Variants in BMP6 observed in about 807,000 individuals in gnomAD.
BMP6 encodes VG-1-R.
BMP6 carries 17 observed loss-of-function variants against 54.1 expected under a neutral mutation model. The observed-to-expected ratio is 0.31, with a 90% CI of 0.22 to 0.47. BMP6 has a LOEUF of 0.47. Ranked by LOEUF, BMP6 falls within the 20% of genes least tolerant of loss-of-function variation. BMP6 has a pLI of 1.00. For synonymous variants in BMP6, 328 were observed against 291.2 expected, an observed-to-expected ratio of 1.13 and a Z score of -1.28; for missense variants, 720 against 690.4, an observed-to-expected ratio of 1.04 and a Z score of -0.48.
intron 1 of BMP6, among the ~76,000 whole-genome samples, chr6:7,825,995 T>TC (rs1758691348): frequency 6.6e-6 from 1 of 152,204 alleles, no homozygotes; most frequent in South Asian, 2.1e-4. Flanking sequence ...TTCCTTTTCC[T>TC]ACCTTGGCCC....
chr6:7,863,340 T>A (rs1014420718), intron 4 of BMP6, among the ~76,000 whole-genome samples: 1 of 152,212 alleles, frequency 6.6e-6, no homozygotes, highest in South Asian at 2.1e-4. Context: ...TGGGCTCAGA[T>A]GATAATCAGG....
Position 7,861,619 on chromosome 6 carries a change from C to G in BMP6, c.1006+20C>G. The G allele has an allele frequency of 6.2e-7, 1 of 1,612,904 alleles. No individual in the cohort carries two copies. Among genetic ancestry groups the G allele is most frequent in the Non-Finnish European group, 8.5e-7 (1 of 1,179,102 alleles). On this transcript the variant is annotated intron_variant, in intron 3 of 6. Coordinates refer to ENST00000283147, the MANE Select transcript of BMP6 (RefSeq NM_001718.6). ...GGGATGGTAAGTTATTATCCGCAAGCCTCCAACGTCCAGCAAGTCATCAGT... is the reference window on the plus strand; with the variant it reads ...GGGATGGTAAGTTATTATCCGCAAGGCTCCAACGTCCAGCAAGTCATCAGT...
chr6:7,730,490 G>T lies in BMP6; in HGVS notation c.664+2871G>T, dbSNP rs911249970. 8.1e-4 allele frequency among the ~76,000 whole-genome samples: 123 copies of T among 152,144 alleles called. 1 individual carries two copies. Among genetic ancestry groups the T allele is most frequent in the South Asian group, 2.1e-4 (1 of 4,822 alleles). ...TATAGCTACTGTAGGTCCACTTCTG[G>T]ACTCTATACTGATAGTGTGAAGAGA... is the stretch of plus-strand genomic sequence containing the variant. On this transcript the variant is annotated intron_variant, in intron 1 of 6. Coordinates refer to ENST00000283147, the MANE Select transcript of BMP6 (RefSeq NM_001718.6).
At chr6:7,830,146 C>T (rs922297037) in intron 1 of BMP6, among the ~76,000 whole-genome samples, 3 of 151,540 alleles carry the variant, frequency 2.0e-5, no homozygotes, top group Non-Finnish European at 4.4e-5. Context: ...GGCAAGAGCA[C>T]CCCCCCTCTC....
At chr6:7,862,004 T>G (rs1021285445) in intron 3 of BMP6, among the ~76,000 whole-genome samples, 1 of 152,174 alleles carries the variant, frequency 6.6e-6, no homozygotes, top group Non-Finnish European at 1.5e-5. Context: ...CCACTGCTGA[T>G]CTGTCCACCA....
chr6:7,741,113 T>C (rs1263202154), intron 1 of BMP6, among the ~76,000 whole-genome samples: 1 of 152,184 alleles, frequency 6.6e-6, no homozygotes, highest in African/African-American at 2.4e-5. Context: ...CTGGTGAAAC[T>C]GCCCACTGCC....
At chr6:7,791,542 C>T (rs770075667) in intron 1 of BMP6, among the ~76,000 whole-genome samples, 9 of 152,134 alleles carry the variant, frequency 5.9e-5, no homozygotes, top group Admixed American at 1.3e-4. Flanking sequence ...CTCCTCCCAG[C>T]GCTTCAGTTG....
chr6:7,858,733 C>T (rs1759287145), intron 2 of BMP6, among the ~76,000 whole-genome samples: 1 of 151,274 alleles, frequency 6.6e-6, no homozygotes, highest in African/African-American at 2.4e-5. Flanking sequence ...CGCTGTTCCT[C>T]TGTCCCACTT....
Position 7,727,168 on chromosome 6 carries a change from C to G in BMP6, c.213C>G (p.Leu71=). The change falls in exon 1 of 7, where the codon CTC becomes CTG. Residue 71 remains leucine (L), a synonymous_variant. Coordinates refer to ENST00000283147, the MANE Select transcript of BMP6 (RefSeq NM_001718.6). ...QSSSGFLYRR[L]KTQEKREMQK... ...CCTCGGGCTTCCTGTACCGGCGGCT[C>G]AAGACGCAGGAGAAGCGGGAGATGC... 1 of 1,594,794 alleles carries G rather than the reference C, an allele frequency of 6.3e-7. No homozygotes were observed. Among genetic ancestry groups the G allele is most frequent in the African/African-American group, 1.3e-5 (1 of 74,232 alleles).
intron 1 of BMP6, among the ~76,000 whole-genome samples, chr6:7,776,980 T>C (rs1757870631): frequency 6.6e-6 from 1 of 152,170 alleles, no homozygotes; most frequent in South Asian, 2.1e-4. Context: ...CGCCCAAATG[T>C]TTTCTTTGAA....
rs540151231 is a variant in BMP6 at position 7,868,444 on chromosome 6, A to G, written c.1204+5946A>G. 1.1e-4 allele frequency among the ~76,000 whole-genome samples: 17 copies of G among 152,284 alleles called. 1 individual carries two copies. The highest frequency in any genetic ancestry group is 7.7e-4 in the East Asian group (4 of 5,184). On this transcript the variant is annotated intron_variant, in intron 4 of 6. Coordinates refer to ENST00000283147, the MANE Select transcript of BMP6 (RefSeq NM_001718.6). ...CTGCTGCGCGTTCTTCAATGGCTGT[A>G]TTGATTCTGCTGGGCGAGTGGGAGC...
chr6:7,874,089 C>T (rs911010957), intron 4 of BMP6, among the ~76,000 whole-genome samples: 5 of 152,146 alleles, frequency 3.3e-5, no homozygotes, highest in Admixed American at 3.3e-4. Flanking sequence ...AGGAGACTCC[C>T]CTGCTGCACC....
chr6:7,730,433 C>G (rs1375046104), intron 1 of BMP6, among the ~76,000 whole-genome samples: 1 of 152,210 alleles, frequency 6.6e-6, no homozygotes, highest in Non-Finnish European at 1.5e-5. Context: ...CCAAGCCCCT[C>G]ATATTCCTAT....
chr6:7,847,281 A>G (rs532147643), intron 2 of BMP6, among the ~76,000 whole-genome samples: 1 of 152,322 alleles, frequency 6.6e-6, no homozygotes, highest in African/African-American at 2.4e-5. Flanking sequence ...TGCATAGGAA[A>G]GGGGAAATTC....
intron 2 of BMP6, among the ~76,000 whole-genome samples, chr6:7,846,676 G>A (rs1759070851): frequency 1.3e-5 from 2 of 152,166 alleles, no homozygotes; most frequent in Non-Finnish European, 2.9e-5. Context: ...GGAACAAAAG[G>A]GAAGTTTTCT....
At chr6:7,786,021 G>C (rs915630300) in intron 1 of BMP6, among the ~76,000 whole-genome samples, 1 of 152,282 alleles carries the variant, frequency 6.6e-6, no homozygotes, top group Admixed American at 6.5e-5. Flanking sequence ...TTGTATTAAC[G>C]AATGTGCCCC....
chr6:7,834,052 G>A (rs1758833874), intron 1 of BMP6, among the ~76,000 whole-genome samples: 1 of 152,274 alleles, frequency 6.6e-6, no homozygotes, highest in African/African-American at 2.4e-5. Context: ...CAACACTAGC[G>A]CTGATCCTGA....
chr6:7,802,455 T>G (rs1758283152), intron 1 of BMP6, among the ~76,000 whole-genome samples: 1 of 152,222 alleles, frequency 6.6e-6, no homozygotes, highest in African/African-American at 2.4e-5. Context: ...TGTTCTTTAT[T>G]GAACTGTTTC....
intron 1 of BMP6, among the ~76,000 whole-genome samples, chr6:7,827,439 G>T (rs548654863): frequency 1.8e-3 from 267 of 152,350 alleles, no homozygotes; most frequent in Non-Finnish European, 3.3e-3. Context: ...TTAGAGGAGG[G>T]AGAGAGAGTA....
Sources: allele counts gnomAD v4.1 joint callset (sites outside exome capture counted in the v4.1 genomes callset), GRCh38; gene constraint gnomAD v4.1.1; transcripts MANE v1.5; gene names NCBI Gene and HGNC (gene_info 2026-07-23, HGNC 2026-07-21).